The following ADAMTS16 variants were observed in gnomAD, a reference collection of about 807,000 sequenced individuals.
ADAMTS16 encodes ADAM metallopeptidase with thrombospondin type 1 motif 16, also known as A disintegrin and metalloproteinase with thrombospondin motifs 16.
Under a neutral mutation model 145.8 loss-of-function variants are expected in ADAMTS16, and 94 were observed. The observed-to-expected ratio is 0.64, with a 90% CI of 0.55 to 0.77. The LOEUF (loss-of-function observed/expected upper bound fraction) is 0.77, where lower values mean the gene tolerates loss of function less well. ADAMTS16 is among the 30% of genes least tolerant of loss of function. The pLI is 0.00. For missense variants in ADAMTS16, 1,585 were observed against 1,591.5 expected (o/e 1.00, Z 0.07); for synonymous variants, 659 against 604.3 (o/e 1.09, Z -1.33).
At chr5:5,265,413 C>G (rs1738200237) in intron 18 of ADAMTS16, among the ~76,000 whole-genome samples, 1 of 152,088 alleles carries the variant, frequency 6.6e-6, no homozygotes, top group Non-Finnish European at 1.5e-5. Context: ...AAGGGTTGGT[C>G]CTTGTGGAAT....
chr5:5,292,958 C>T (rs6555341), intron 18 of ADAMTS16, among the ~76,000 whole-genome samples: 1 of 151,924 alleles, frequency 6.6e-6, no homozygotes, highest in Admixed American at 6.6e-5. Flanking sequence ...GGCATTCCCT[C>T]ATTCCCTTCA....
intron 3 of ADAMTS16, among the ~76,000 whole-genome samples, chr5:5,168,764 T>G (rs1264154200): frequency 1.4e-5 from 2 of 140,250 alleles, no homozygotes; most frequent in African/African-American, 2.6e-5. Context: ...TAATTATATT[T>G]TATTATATTT....
intron 3 of ADAMTS16, among the ~76,000 whole-genome samples, chr5:5,157,584 A>G (rs1189347804): frequency 2.0e-5 from 3 of 152,234 alleles, no homozygotes; most frequent in Non-Finnish European, 4.4e-5. Flanking sequence ...AGCCCTTAAG[A>G]CATTAGAAAT....
chr5:5,156,459 A>G (rs1274156647), intron 3 of ADAMTS16, among the ~76,000 whole-genome samples: 2 of 152,218 alleles, frequency 1.3e-5, no homozygotes, highest in East Asian at 1.9e-4. Flanking sequence ...AGAGATCCCA[A>G]AAACTGAAGT....
chr5:5,242,599 A>G (rs747625560), intron 17 of ADAMTS16, among the ~76,000 whole-genome samples: 2 of 152,252 alleles, frequency 1.3e-5, no homozygotes, highest in Non-Finnish European at 2.9e-5. Flanking sequence ...AATCTTGTTC[A>G]AAACGTTTCC....
At chr5:5,287,677 G>T (rs910945877) in intron 18 of ADAMTS16, among the ~76,000 whole-genome samples, 3 of 152,264 alleles carry the variant, frequency 2.0e-5, no homozygotes, top group Non-Finnish European at 1.5e-5. Flanking sequence ...TTGATTTCAC[G>T]GACGGTGTCA....
At chr5:5,207,601 C>T (rs1434350799) in intron 9 of ADAMTS16, among the ~76,000 whole-genome samples, 1 of 151,994 alleles carries the variant, frequency 6.6e-6, no homozygotes, top group African/African-American at 2.4e-5. Flanking sequence ...AGGAGTCATT[C>T]TTATTTGTTC....
At chr5:5,223,017 A>G (rs749747687) in intron 11 of ADAMTS16, 133 bp downstream of exon 11, 27 of 654,732 alleles carry the variant, frequency 4.1e-5, no homozygotes, top group Non-Finnish European at 5.7e-5. Flanking sequence ...TGCTCCTATC[A>G]AACACTGTGT....
rs529914756 is a variant in ADAMTS16, at chr5:5,295,492, G to T, written c.2790-7776G>T. Among the ~76,000 whole-genome samples, 10 of 152,348 alleles carry T rather than the reference G, an allele frequency of 6.6e-5. No individual in the cohort carries two copies. The South Asian group carries it at 2.1e-3, about 32-fold the overall frequency. On this transcript the variant is annotated intron_variant, in intron 18 of 22. Transcript: ENST00000274181. ...TTCAGCCCATTCCCTGTGAGCCCTG[G>T]AGTGGCAGCAGAAGGATGCTGACAT...
rs185439216 is a variant in ADAMTS16, at chr5:5,162,286, G to A, written c.501+15831G>A. 7.9e-4 allele frequency among the ~76,000 whole-genome samples: 120 copies of A among 152,272 alleles called. 1 individual carries two copies. In the Middle Eastern group the frequency reaches 0.017, roughly 22 times the overall value. ...TTGCATTTAATTATATTAACATTAT[G>A]AGAAACATTTTTATTCCTATTTTAT... On this transcript the variant is annotated intron_variant, in intron 3 of 22. Coordinates refer to ENST00000274181, the MANE Select transcript of ADAMTS16 (RefSeq NM_139056.4).
In ADAMTS16 at chr5:5,140,509, G is replaced by T. The variant is rs768876844; in HGVS notation, c.42G>T (p.Leu14=). ...GCGGATGGCGGGGCTTGGCGGCGCT[G>T]TGGATGCTGTTGGCGCAGGTGGCCG... is the stretch of plus-strand genomic sequence containing the variant. ...RARGWRGLAA[L]WMLLAQVAEQ... is the part of the protein sequence containing the mutation. The change falls in exon 1 of 23, where the codon CTG becomes CTT. Residue 14 remains leucine, a synonymous_variant. Transcript: ENST00000274181. 1 of 1,519,654 alleles carries T rather than the reference G, an allele frequency of 6.6e-7. No homozygotes were observed. Among genetic ancestry groups the T allele is most frequent in the Non-Finnish European group, 8.7e-7 (1 of 1,144,102 alleles). The allele number at this position is 1,519,654 out of a possible 1,614,324, so 94.1% of individuals were successfully genotyped here.
intron 10 of ADAMTS16, among the ~76,000 whole-genome samples, chr5:5,215,890 A>ATATATG (rs1736423841): frequency 1.0e-5 from 1 of 96,352 alleles, no homozygotes; most frequent in Non-Finnish European, 2.4e-5. Flanking sequence ...ATATATATAT[A>ATATATG]TATATATATA....
intron 3 of ADAMTS16, among the ~76,000 whole-genome samples, chr5:5,159,570 G>C (rs1560928025): frequency 6.6e-6 from 1 of 152,174 alleles, no homozygotes; most frequent in Non-Finnish European, 1.5e-5. Context: ...TGCACATTTT[G>C]TAATGCAAGC....
At chr5:5,245,010 G>A (rs1737397470) in intron 17 of ADAMTS16, among the ~76,000 whole-genome samples, 1 of 152,102 alleles carries the variant, frequency 6.6e-6, no homozygotes, top group African/African-American at 2.4e-5. Context: ...TCTGAGATAA[G>A]GGCTTTTATT....
intron 3 of ADAMTS16, among the ~76,000 whole-genome samples, chr5:5,179,867 C>G (rs903271080): frequency 6.6e-6 from 1 of 152,172 alleles, no homozygotes; most frequent in Non-Finnish European, 1.5e-5. Context: ...CTCCTCTCAC[C>G]CCCAGTGGTA....
At chr5:5,181,247 T>G (rs1735330424) in intron 3 of ADAMTS16, among the ~76,000 whole-genome samples, 1 of 152,200 alleles carries the variant, frequency 6.6e-6, no homozygotes, top group South Asian at 2.1e-4. Context: ...GGGCTGGCCC[T>G]GGGGCTGCCT....
At chr5:5,167,067 GT>G (rs1734904684) in intron 3 of ADAMTS16, among the ~76,000 whole-genome samples, 1 of 152,116 alleles carries the variant, frequency 6.6e-6, no homozygotes, top group Non-Finnish European at 1.5e-5. Context: ...ATCCAGAATT[GT>G]TTATTTCTCT....
chr5:5,141,775 T>C (rs1734174461), intron 2 of ADAMTS16, among the ~76,000 whole-genome samples: 2 of 152,182 alleles, frequency 1.3e-5, no homozygotes, highest in African/African-American at 4.8e-5. Flanking sequence ...TTGAAATTAT[T>C]CCCTGCCAAA....
rs537579322 is a variant in ADAMTS16 at position 5,282,628 on chromosome 5, C to A, written c.2789+19845C>A. On this transcript the variant is annotated intron_variant, in intron 18 of 22. Coordinates refer to ENST00000274181, the MANE Select transcript of ADAMTS16 (RefSeq NM_139056.4). ...TCCCCAACAGGGAAAGCCCACCTCT[C>A]AACACTTGTCTTTCTTAGAAGGTTT... Among the ~76,000 whole-genome samples the A allele has an allele frequency of 1.6e-4, 25 of 152,326 alleles. No individual in the cohort carries two copies. In the South Asian group the frequency reaches 4.1e-3, roughly 25 times the overall value.
Sources: gnomAD v4.1 joint callset for allele counts (sites outside exome capture counted in the v4.1 genomes callset) on GRCh38, gnomAD v4.1.1 for gene constraint, MANE v1.5 for transcripts, NCBI Gene and HGNC (gene_info 2026-07-23, HGNC 2026-07-21) for gene names.